PLCB3: variants seen among roughly 807,000 people sequenced by gnomAD.
PLCB3 encodes the protein phospholipase C beta 3.
In PLCB3, 54 loss-of-function variants were observed where a neutral mutation model predicts 152.1. That is an observed-to-expected ratio of 0.36 (90% CI 0.29 to 0.45). The LOEUF is 0.45. PLCB3 is among the 20% of genes least tolerant of loss of function. PLCB3 has a pLI of 1.00. For missense variants in PLCB3, 1,248 were observed against 1,687.5 expected (o/e 0.74, Z 4.56); for synonymous variants, 717 against 698.7 (o/e 1.03, Z -0.41).
At chr11:64,262,329 C>A in intron 17 of PLCB3, 78 bp from the exon 18 acceptor site, 3 of 1,542,460 alleles carry the variant, frequency 1.9e-6, no homozygotes, top group South Asian at 1.2e-5. Flanking sequence ...TGCCATCTGA[C>A]CTGATGATCT....
chr11:64,255,859 TG>T lies in PLCB3; in HGVS notation c.698+39del, dbSNP rs2031503016. On this transcript the variant is annotated intron_variant, in intron 8 of 30. Transcript: ENST00000279230. This position sits in a 1 kb window ranked among gnomAD's most constrained non-coding sequence, Gnocchi z 6.8. ...GGCCTGCCTCACAACCCCTGTGCTC[TG>T]TGTTTAGCTTCTGCTTAGCGTGCCT... The T allele has an allele frequency of 1.4e-6, 2 of 1,423,050 alleles. No individual in the cohort carries two copies. The highest frequency in any genetic ancestry group is 2.0e-6 in the Non-Finnish European group (2 of 1,006,028). The allele number at this position is 1,423,050 out of a possible 1,614,324, so 88.2% of individuals were successfully genotyped here.
At chr11:64,269,036 C>CAACTAGGTATCTAGG (rs2032291095), downstream of PLCB3, 1 of 152,420 alleles carries the variant, frequency 6.6e-6, no homozygotes, top group Admixed American at 6.5e-5. Flanking sequence ...CAGCCAACTC[C>CAACTAGGTATCTAGG]CACCTTCCTG....
chr11:64,263,647 C>G (rs774750316), intron 20 of PLCB3, 44 bp from the exon 21 acceptor site: 1 of 1,601,138 alleles, frequency 6.2e-7, no homozygotes, highest in Non-Finnish European at 8.6e-7. Context: ...GGGTAGGGCC[C>G]CCACCTGGCC....
chr11:64,260,318 C>T (rs951364566), intron 14 of PLCB3, 84 bp downstream of exon 14: 1 of 943,456 alleles, frequency 1.1e-6, no homozygotes, highest in Non-Finnish European at 1.6e-6. Context: ...ACAAGACTGA[C>T]ATCACCCCTG....
rs1304531766 is a variant in PLCB3 at position 64,267,373 on chromosome 11, G to A, written c.3522G>A (p.Gln1174=). ...CACAGCTGCTGGCCCAGCTGGCCCA[G>A]GAGTGTCAGGAGCAGCGGGCGAGGC... ...EEPKLLAQLA[Q]ECQEQRARLP... The change falls in exon 31 of 31, where the codon CAG becomes CAA. Residue 1174 remains glutamine, a synonymous_variant. Coordinates refer to ENST00000279230, the MANE Select transcript of PLCB3 (RefSeq NM_000932.5). This position sits in a 1 kb window ranked among gnomAD's most constrained non-coding sequence, Gnocchi z 5.2. The A allele has an allele frequency of 4.5e-6, 7 of 1,545,648 alleles. No individual in the cohort carries two copies. The highest frequency in any genetic ancestry group is 2.0e-5 in the Admixed American group (1 of 51,226).
intron 19 of PLCB3, 51 bp downstream of exon 19, chr11:64,262,859 C>T (rs768554036): frequency 1.7e-5 from 26 of 1,563,372 alleles, no homozygotes; most frequent in African/African-American, 8.1e-5. Flanking sequence ...CAGCCCAGAC[C>T]GCCCCGACTC....
chr11:64,265,859 C>T, intron 25 of PLCB3, 27 bp from the exon 26 acceptor site: 1 of 1,608,142 alleles, frequency 6.2e-7, no homozygotes. Context: ...CGGGCCCAGG[C>T]ATCACCCAGA....
Position 64,255,639 on chromosome 11 carries a change from C to CGGGGTGGGGGGGGGGGGTACGGGGGG in PLCB3, c.597+32_597+33insGGGGGGGGTACGGGGGGGGGGTGGGG. On this transcript the variant is annotated intron_variant, in intron 7 of 30. Transcript: ENST00000279230. This position sits in a 1 kb window ranked among gnomAD's most constrained non-coding sequence, Gnocchi z 6.8. ...CGGGTGTGTGGGGTGGGGACAGGGG[C>CGGGGTGGGGGGGGGGGGTACGGGGGG]GGGGTGGGGTGTCACGGTGGGCACC... The CGGGGTGGGGGGGGGGGGTACGGGGGG allele has an allele frequency of 1.5e-6, 1 of 645,422 alleles. No homozygotes were observed. Among genetic ancestry groups the CGGGGTGGGGGGGGGGGGTACGGGGGG allele is most frequent in the Non-Finnish European group, 2.7e-6 (1 of 370,670 alleles). The allele number at this position is 645,422 out of a possible 1,614,324, so 40.0% of individuals were successfully genotyped here.
In PLCB3 at chr11:64,266,537, C is replaced by G. The variant is rs2135068867; in HGVS notation, c.3399C>G (p.Val1133=). The change falls in exon 29 of 31, where the codon GTC becomes GTG. Residue 1133 remains valine, a synonymous_variant. Transcript: ENST00000279230. This position sits in a 1 kb window ranked among gnomAD's most constrained non-coding sequence, Gnocchi z 4.9. ...EINRRHITES[V]NSIRRLEEAQ... ...ACCGTCGGCACATCACTGAGTCAGT[C>G]AACTCCATCCGTCGGGTGAGTCAGG... 1 of 1,613,918 alleles carries G rather than the reference C, an allele frequency of 6.2e-7. No homozygotes were observed. The highest frequency in any genetic ancestry group is 8.5e-7 in the Non-Finnish European group (1 of 1,179,974).
In PLCB3 at chr11:64,267,172, C is replaced by A. The variant is rs1244829468; in HGVS notation, c.3415-13C>A. The A allele has an allele frequency of 1.1e-5, 17 of 1,549,278 alleles. No individual in the cohort carries two copies. Among genetic ancestry groups the A allele is most frequent in the Non-Finnish European group, 1.5e-5 (17 of 1,146,664 alleles). ...TCAGGGCCCCTCAGCTGAGCCCTTGCCCACCCCTGTAGCTGGAGGAGGCCC... is the reference window on the plus strand; with the variant it reads ...TCAGGGCCCCTCAGCTGAGCCCTTGACCACCCCTGTAGCTGGAGGAGGCCC... On this transcript the variant is annotated splice_polypyrimidine_tract_variant and intron_variant, in intron 29 of 30. Coordinates refer to ENST00000279230, the MANE Select transcript of PLCB3 (RefSeq NM_000932.5). The surrounding 1 kb of genome is among the most constrained non-coding windows in gnomAD (Gnocchi z 5.2).
chr11:64,259,866 A>G (rs2031750115), intron 13 of PLCB3, among the ~76,000 whole-genome samples, 163 bp from the exon 14 acceptor site: 1 of 151,934 alleles, frequency 6.6e-6, no homozygotes, highest in Admixed American at 6.6e-5. Flanking sequence ...GGTTAATACC[A>G]TCTGACCTCG....
chr11:64,262,386 G>A (rs753679194), intron 17 of PLCB3, 21 bp from the exon 18 acceptor site: 9 of 1,607,528 alleles, frequency 5.6e-6, no homozygotes, highest in East Asian at 2.2e-5. Context: ...GCCCCTGCTC[G>A]ACGTGCCCGT....
At chr11:64,262,615 C>G in intron 18 of PLCB3, 32 bp from the exon 19 acceptor site, 2 of 1,612,636 alleles carry the variant, frequency 1.2e-6, no homozygotes, top group Non-Finnish European at 1.7e-6. Flanking sequence ...GGACTCTCAG[C>G]ATCCGCCTCA....
chr11:64,262,911 G>C, intron 19 of PLCB3, 103 bp downstream of exon 19: 1 of 1,253,640 alleles, frequency 8.0e-7, no homozygotes. Flanking sequence ...TTGGCGACTG[G>C]GGATCAGAAA....
At position 64,255,508 on chromosome 11, in the gene PLCB3, C is replaced by G; in HGVS notation, c.522-33C>G. The G allele has an allele frequency of 1.2e-6, 2 of 1,614,028 alleles. No homozygotes were observed. Among genetic ancestry groups the G allele is most frequent in the Non-Finnish European group, 1.7e-6 (2 of 1,179,886 alleles). On this transcript the variant is annotated intron_variant, in intron 6 of 30. Coordinates refer to ENST00000279230, the MANE Select transcript of PLCB3 (RefSeq NM_000932.5). This position sits in a 1 kb window ranked among gnomAD's most constrained non-coding sequence, Gnocchi z 6.8. ...CCCTGACCTTGGTGACCTTTGTCCTCCACTGACCCTGAACCCCTCCTGCCC... is the reference window on the plus strand; with the variant it reads ...CCCTGACCTTGGTGACCTTTGTCCTGCACTGACCCTGAACCCCTCCTGCCC...
Position 64,258,602 on chromosome 11 carries a change from T to A in PLCB3, c.1142T>A (p.Phe381Tyr). ...GAGGAACCCTTCATTACCCACGGCT[T>A]CACCATGACCACAGAGGTGCCTCTG... ...PEEEPFITHG[F>Y]TMTTEVPLRD... Residue 381 changes from phenylalanine (F) to tyrosine (Y), a missense_variant, in exon 11 of 31, where the codon TTC (phenylalanine) becomes TAC (tyrosine). By Grantham distance (22) the Phe-to-Tyr change is conservative (BLOSUM62 3). Coordinates refer to ENST00000279230, the MANE Select transcript of PLCB3 (RefSeq NM_000932.5). This position sits in a 1 kb window ranked among gnomAD's most constrained non-coding sequence, Gnocchi z 7.2. 6.2e-7 allele frequency: 1 copy of A among 1,614,080 alleles called. No individual in the cohort carries two copies. Among genetic ancestry groups the A allele is most frequent in the South Asian group, 1.1e-5 (1 of 91,080 alleles).
chr11:64,260,772 C>CAAAAAAAAAAA (rs10689916), intron 14 of PLCB3, among the ~76,000 whole-genome samples: 1 of 71,606 alleles, frequency 1.4e-5, no homozygotes, highest in Non-Finnish European at 2.5e-5. Context: ...GACACTATCT[C>CAAAAAAAAAAA]AAAAAAAAAA....
In PLCB3 at chr11:64,255,644, T is replaced by TGGGGGGGGGGCACGGGGGGGGGGG; in HGVS notation, c.597+32_597+33insGGGGGGCACGGGGGGGGGGGGGGG. On this transcript the variant is annotated intron_variant, in intron 7 of 30. Transcript: ENST00000279230. This position sits in a 1 kb window ranked among gnomAD's most constrained non-coding sequence, Gnocchi z 6.8. ...GTGTGGGGTGGGGACAGGGGCGGGG[T>TGGGGGGGGGGCACGGGGGGGGGGG]GGGGTGTCACGGTGGGCACCCACCC... 1 of 890,146 alleles carries TGGGGGGGGGGCACGGGGGGGGGGG rather than the reference T, an allele frequency of 1.1e-6. No homozygotes were observed. The highest frequency in any genetic ancestry group is 1.7e-6 in the Non-Finnish European group (1 of 582,094). 55.1% of individuals were successfully genotyped at this position (890,146 alleles called of 1,614,324 possible). A position where few individuals can be genotyped will look rare whatever the true frequency, so the allele number is the denominator to read the frequency against.
intron 19 of PLCB3, chr11:64,263,272 C>G: frequency 1.8e-6 from 1 of 566,238 alleles, no homozygotes; most frequent in East Asian, 2.9e-5. Context: ...AGGGGCCTGG[C>G]TGCCTGTCAT....
Sources: allele counts gnomAD v4.1 joint callset (sites outside exome capture counted in the v4.1 genomes callset), GRCh38; gene constraint gnomAD v4.1.1; non-coding constraint Gnocchi (gnomAD v3.1); transcripts MANE v1.5; gene names NCBI Gene and HGNC (gene_info 2026-07-23, HGNC 2026-07-21).